ELAPOR2: variants seen among roughly 807,000 people sequenced by gnomAD.
The protein encoded by ELAPOR2 is endosome/lysosome-associated apoptosis and autophagy regulator family member 2.
ELAPOR2 carries 89 observed loss-of-function variants against 120.7 expected under a neutral mutation model. The observed-to-expected ratio is 0.74, with a 90% CI of 0.62 to 0.88. The LOEUF is 0.88. Among genes scored for constraint, ELAPOR2 ranks in the 40% least tolerant of loss-of-function variants. The probability of loss-of-function intolerance (pLI) is 0.00; values close to 1 mark genes in which losing one functional copy is unlikely to be tolerated. For synonymous variants in ELAPOR2, 444 were observed against 444.9 expected, an observed-to-expected ratio of 1.00 and a Z score of 0.03; for missense variants, 1,134 against 1,251.6, an observed-to-expected ratio of 0.91 and a Z score of 1.42.
chr7:87,036,574 C>T (rs895862459), intron 1 of ELAPOR2, among the ~76,000 whole-genome samples: 1 of 152,118 alleles, frequency 6.6e-6, no homozygotes, highest in Admixed American at 6.5e-5. Context: ...AAATGTGGTA[C>T]ATATACCCCA....
rs1244413822 is a variant in ELAPOR2, at chr7:86,877,145, TTC to T, written c.*3324_*3325del. ...ATATCAATTATAATAGTAAATATAA[TTC>T]TCTTTTCAATTATTCATTCCCATCT... On this transcript the variant is annotated 3_prime_UTR_variant, in exon 22 of 22. Coordinates refer to ENST00000450689, the MANE Select transcript of ELAPOR2 (RefSeq NM_001142749.3). 4 of 152,186 alleles carry T rather than the reference TTC, an allele frequency of 2.6e-5. No individual in the cohort carries two copies. The highest frequency in any genetic ancestry group is 7.2e-5 in the African/African-American group (3 of 41,448). The allele number at this position is 152,186 out of a possible 1,614,324, so 9.4% of individuals were successfully genotyped here.
intron 1 of ELAPOR2, among the ~76,000 whole-genome samples, chr7:87,005,429 T>G (rs1198274224): frequency 1.3e-5 from 2 of 152,142 alleles, no homozygotes; most frequent in African/African-American, 2.4e-5. Context: ...ACACATGACA[T>G]ATTTCACCTA....
At chr7:86,979,984 C>A (rs756566891) in intron 1 of ELAPOR2, among the ~76,000 whole-genome samples, 110 of 152,154 alleles carry the variant, frequency 7.2e-4, no homozygotes, top group Admixed American at 1.1e-3. Context: ...CAAAACAAAA[C>A]AGAACAACAA....
chr7:87,005,629 C>T (rs1157885768), intron 1 of ELAPOR2, among the ~76,000 whole-genome samples: 1 of 152,086 alleles, frequency 6.6e-6, no homozygotes, highest in Non-Finnish European at 1.5e-5. Flanking sequence ...CTGATGTGGA[C>T]AACTGATTTT....
At chr7:86,925,744 A>C in intron 9 of ELAPOR2, 88 bp from the exon 10 acceptor site, 1 of 1,178,288 alleles carries the variant, frequency 8.5e-7, no homozygotes, top group Non-Finnish European at 1.2e-6. Flanking sequence ...CTACATTACA[A>C]TTAGCAGGGA....
At chr7:86,985,077 A>C (rs1792668252) in intron 1 of ELAPOR2, among the ~76,000 whole-genome samples, 2 of 152,198 alleles carry the variant, frequency 1.3e-5, no homozygotes, top group Admixed American at 1.3e-4. Context: ...AAAAACTAGA[A>C]AATCTAGAAG....
intron 1 of ELAPOR2, among the ~76,000 whole-genome samples, chr7:86,979,694 T>C (rs1183751340): frequency 6.6e-6 from 1 of 152,046 alleles, no homozygotes; most frequent in Non-Finnish European, 1.5e-5. Context: ...GAGATACTAA[T>C]ATGGAAGGCA....
intron 1 of ELAPOR2, among the ~76,000 whole-genome samples, chr7:87,031,748 C>A (rs1794428790): frequency 6.6e-6 from 1 of 152,014 alleles, no homozygotes; most frequent in African/African-American, 2.4e-5. Context: ...CTTATTGGAG[C>A]TTAAGAATAT....
intron 1 of ELAPOR2, among the ~76,000 whole-genome samples, chr7:87,005,483 A>C (rs7800658): frequency 0.38 from 57,453 of 151,970 alleles, 11,708 homozygotes; most frequent in African/African-American, 0.53. Context: ...TGAAGGAAAG[A>C]GTATTCAGAA....
At chr7:87,000,077 T>G (rs928788130) in intron 1 of ELAPOR2, among the ~76,000 whole-genome samples, 1 of 152,068 alleles carries the variant, frequency 6.6e-6, no homozygotes, top group South Asian at 2.1e-4. Context: ...GCATGAACTG[T>G]GGAAAGTTAA....
chr7:86,892,819 G>T, intron 20 of ELAPOR2, 103 bp downstream of exon 20: 2 of 1,066,880 alleles, frequency 1.9e-6, no homozygotes, highest in South Asian at 3.1e-5. Flanking sequence ...AAATTCTTGT[G>T]TCTCTGAGAG....
At chr7:86,898,993 G>A (rs950011966) in intron 18 of ELAPOR2, among the ~76,000 whole-genome samples, 20 of 152,096 alleles carry the variant, frequency 1.3e-4, no homozygotes, top group South Asian at 6.2e-4. Flanking sequence ...TGCAAATAGC[G>A]TTGCAATCTT....
intron 18 of ELAPOR2, among the ~76,000 whole-genome samples, chr7:86,898,165 A>G (rs1176491315): frequency 6.6e-6 from 1 of 152,186 alleles, no homozygotes; most frequent in Non-Finnish European, 1.5e-5. Context: ...TCAGCCATAA[A>G]AGAAATGCAG....
At position 86,877,147 on chromosome 7, in the gene ELAPOR2, C is replaced by A. The variant is rs1359425250; in HGVS notation, c.*3324G>T. On this transcript the variant is annotated 3_prime_UTR_variant, in exon 22 of 22. Coordinates refer to ENST00000450689, the MANE Select transcript of ELAPOR2 (RefSeq NM_001142749.3). ...ATCAATTATAATAGTAAATATAATT[C>A]TCTTTTCAATTATTCATTCCCATCT... 1 of 152,098 alleles carries A rather than the reference C, an allele frequency of 6.6e-6. No individual in the cohort carries two copies. The highest frequency in any genetic ancestry group is 1.5e-5 in the Non-Finnish European group (1 of 68,012). The allele number at this position is 152,098 out of a possible 1,614,324, so 9.4% of individuals were successfully genotyped here. A position where few individuals can be genotyped will look rare whatever the true frequency, so the allele number is the denominator to read the frequency against.
intron 12 of ELAPOR2, among the ~76,000 whole-genome samples, chr7:86,916,339 G>T (rs1789567247): frequency 1.3e-5 from 2 of 152,164 alleles, no homozygotes; most frequent in African/African-American, 4.8e-5. Context: ...TGCTACTGAA[G>T]TATGATTGGA....
intron 1 of ELAPOR2, among the ~76,000 whole-genome samples, chr7:87,005,757 G>A (rs898682489): frequency 5.9e-5 from 9 of 152,074 alleles, no homozygotes; most frequent in Non-Finnish European, 1.3e-4. Context: ...TCATACCTAG[G>A]TACAAAGTTT....
chr7:87,030,797 G>A (rs1198729805), intron 1 of ELAPOR2, among the ~76,000 whole-genome samples: 1 of 152,110 alleles, frequency 6.6e-6, no homozygotes, highest in Non-Finnish European at 1.5e-5. Context: ...AGTCCACCAG[G>A]TTTGTAGGTG....
intron 19 of ELAPOR2, among the ~76,000 whole-genome samples, chr7:86,894,243 A>T (rs1788331701): frequency 1.3e-5 from 2 of 152,064 alleles, no homozygotes; most frequent in Non-Finnish European, 2.9e-5. Context: ...TATAACTGAA[A>T]CGTGTTTCCT....
intron 6 of ELAPOR2, among the ~76,000 whole-genome samples, chr7:86,939,438 A>G (rs921268585): frequency 2.6e-5 from 4 of 152,118 alleles, no homozygotes; most frequent in Non-Finnish European, 1.5e-5. Flanking sequence ...TCACAGGAAC[A>G]AGCCCACAAT....
Sources: gnomAD v4.1 joint callset for allele counts (sites outside exome capture counted in the v4.1 genomes callset) on GRCh38, gnomAD v4.1.1 for gene constraint, MANE v1.5 for transcripts, NCBI Gene and HGNC (gene_info 2026-07-23, HGNC 2026-07-21) for gene names.